Variants in CD72 observed in about 807,000 individuals in gnomAD.
CD72 encodes the protein CD72 molecule, also known as B-cell differentiation antigen CD72.
CD72 carries 28 observed loss-of-function variants against 50.7 expected under a neutral mutation model. The observed-to-expected ratio is 0.55, with a 90% CI of 0.41 to 0.76. The LOEUF is 0.76. CD72 is among the 30% of genes least tolerant of loss of function. The probability of loss-of-function intolerance (pLI) is 0.00; values close to 1 mark genes in which losing one functional copy is unlikely to be tolerated. For synonymous variants in CD72, 176 were observed against 171.2 expected (o/e 1.03, Z -0.22); for missense variants, 403 against 420.6 (o/e 0.96, Z 0.37).
chr9:35,626,808 GTA>G (rs1445802430), intron 1 of CD72, among the ~76,000 whole-genome samples: 1 of 151,836 alleles, frequency 6.6e-6, no homozygotes, highest in Non-Finnish European at 1.5e-5. Context: ...GTTTTTTAAG[GTA>G]TAATGCTACT....
chr9:35,640,841 C>A (rs1333606409), intron 1 of CD72, among the ~76,000 whole-genome samples: 1 of 152,240 alleles, frequency 6.6e-6, no homozygotes, highest in Non-Finnish European at 1.5e-5. Flanking sequence ...GGCTTGAATG[C>A]CCGGGTTTAT....
upstream of CD72, among the ~76,000 whole-genome samples, chr9:35,620,993 C>T (rs144042558): frequency 1.3e-5 from 2 of 152,284 alleles, no homozygotes; most frequent in African/African-American, 4.8e-5. Flanking sequence ...AGCTTGTAGC[C>T]TTCCTTTGTG....
chr9:35,640,680 G>A (rs1217671408), intron 1 of CD72, among the ~76,000 whole-genome samples: 1 of 152,232 alleles, frequency 6.6e-6, no homozygotes, highest in African/African-American at 2.4e-5. Context: ...GCAGGTCTGC[G>A]ACAGTGGCAA....
chr9:35,622,643 C>T (rs1276207367), upstream of CD72, among the ~76,000 whole-genome samples: 1 of 151,936 alleles, frequency 6.6e-6, no homozygotes, highest in African/African-American at 2.4e-5. Flanking sequence ...AAAAATTAGC[C>T]GGGCATGGCG....
At chr9:35,624,870 T>G (rs376279410) in intron 1 of CD72, among the ~76,000 whole-genome samples, 28 of 152,366 alleles carry the variant, frequency 1.8e-4, no homozygotes, top group African/African-American at 6.5e-4. Flanking sequence ...ATTGTCATTG[T>G]TTTGGAGCAC....
chr9:35,610,707 A>G lies in CD72; in HGVS notation c.997T>C (p.Ser333Pro). 1.2e-6 allele frequency: 2 copies of G among 1,612,816 alleles called. No homozygotes were observed. Among genetic ancestry groups the G allele is most frequent in the South Asian group, 1.1e-5 (1 of 91,054 alleles). Residue 333 changes from serine (S) to proline (P), a missense_variant, in exon 8 of 9, where the codon TCA becomes CCA. By Grantham distance (74) the Ser-to-Pro change is moderately conservative. Transcript: ENST00000259633. ...SKCNKVHKTW[S>P]WWTLESESCR... ...GACTCTGACTCCAGTGTCCACCATG[A>G]CCAAGTTTTATGTACCTTGTTACAT... is the stretch of plus-strand genomic sequence containing the variant.
Position 35,611,863 on chromosome 9 carries a change from A to G in CD72, c.891T>C (p.Tyr297=), listed in dbSNP as rs765001084. 6.2e-7 allele frequency: 1 copy of G among 1,613,280 alleles called. No homozygotes were observed. The highest frequency in any genetic ancestry group is 2.2e-5 in the East Asian group (1 of 44,874). ...CCTTGTTAGAGCTGAGGCCAGTCCA[A>G]TATGAATTCCCTGAACCACCATTTG... ...LLPNGGSGNS[Y]WTGLSSNKDW... is the part of the protein sequence containing the mutation. The change falls in exon 7 of 9, where the codon TAT becomes TAC. Residue 297 remains tyrosine (Y), a synonymous_variant. Transcript: ENST00000259633.
intron 1 of CD72, chr9:35,643,586 C>G (rs1182287092): frequency 6.6e-6 from 1 of 152,214 alleles, no homozygotes; most frequent in East Asian, 1.9e-4. Context: ...TGGCCCCCAA[C>G]TATGTGTTCC....
In CD72 at chr9:35,617,023, T is replaced by G. The variant is rs1434543661; in HGVS notation, c.262+153A>C. 4 of 1,461,430 alleles carry G rather than the reference T, an allele frequency of 2.7e-6. No individual in the cohort carries two copies. In the African/African-American group the frequency reaches 4.3e-5, roughly 16 times the overall value. The allele number at this position is 1,461,430 out of a possible 1,614,324, so 90.5% of individuals were successfully genotyped here. A position where few individuals can be genotyped will look rare whatever the true frequency, so the allele number is the denominator to read the frequency against. The stretch of plus-strand genomic sequence containing the variant: ...GCACGTCGGATTCAGGCGCACCGGA[T>G]GAAGGTGAATGTGGCACGGCAGCCC... On this transcript the variant is annotated intron_variant, in intron 3 of 8. Transcript: ENST00000259633.
rs147618571 is a variant in CD72, at chr9:35,633,322, C to A, written n.408+13081G>T. ...TAGTTATTATTTTCTGATTTGATTT[C>A]TTTTCTTATTCTTTTCATAATTTCT... On this transcript the variant is annotated intron_variant and non_coding_transcript_variant, in intron 1 of 3. Transcript: ENST00000465754. Among the ~76,000 whole-genome samples the A allele has an allele frequency of 3.6e-4, 51 of 143,270 alleles. 1 individual carries two copies. The East Asian group carries it at 9.7e-3, about 27-fold the overall frequency. The allele number at this position is 143,270 out of a possible 152,430, so 94.0% of individuals were successfully genotyped here.
In CD72 at chr9:35,638,727, G is replaced by A. The variant is rs981792061; in HGVS notation, n.408+7676C>T. Among the ~76,000 whole-genome samples the A allele has an allele frequency of 5.3e-5, 8 of 151,258 alleles. No individual in the cohort carries two copies. In the South Asian group the frequency reaches 8.5e-4, roughly 16 times the overall value. On this transcript the variant is annotated intron_variant and non_coding_transcript_variant, in intron 1 of 3. Transcript: ENST00000465754. ...AGTTTTTTCTCTAGCCCAGTCTCAC[G>A]CTGACAACCGCTGGCTTCATGAGCC...
chr9:35,628,771 G>T (rs554371097), intron 1 of CD72, among the ~76,000 whole-genome samples: 2 of 152,254 alleles, frequency 1.3e-5, no homozygotes, highest in African/African-American at 2.4e-5. Flanking sequence ...CTCACCCTGG[G>T]AGTGGGAGAG....
At chr9:35,618,487 T>C (rs1182132491), upstream of CD72, 4 of 1,423,026 alleles carry the variant, frequency 2.8e-6, no homozygotes, top group East Asian at 5.0e-5. Flanking sequence ...ACAGATGGGC[T>C]CAATGAAGCA....
chr9:35,637,143 TAAG>T (rs1411243517), intron 1 of CD72, among the ~76,000 whole-genome samples: 1 of 152,108 alleles, frequency 6.6e-6, no homozygotes, highest in Non-Finnish European at 1.5e-5. Flanking sequence ...ACGTACTTTG[TAAG>T]AAGATCTACC....
intron 3 of CD72, 138 bp from the exon 4 acceptor site, chr9:35,616,827 G>T: frequency 1.0e-6 from 1 of 992,522 alleles, no homozygotes; most frequent in South Asian, 1.4e-5. Context: ...GGGCAAGCAT[G>T]GTGGTTTCTG....
chr9:35,612,757 A>G, intron 6 of CD72, 91 bp downstream of exon 6: 1 of 1,217,268 alleles, frequency 8.2e-7, no homozygotes, highest in Non-Finnish European at 1.2e-6. Flanking sequence ...TGGCCACCCC[A>G]GCCATGTGTG....
At chr9:35,637,460 G>A (rs1312557836) in intron 1 of CD72, among the ~76,000 whole-genome samples, 2 of 152,172 alleles carry the variant, frequency 1.3e-5, no homozygotes, top group Non-Finnish European at 2.9e-5. Context: ...ACCAGCCCAA[G>A]GAACATCTCA....
At chr9:35,628,270 T>C (rs1328405427) in intron 1 of CD72, among the ~76,000 whole-genome samples, 1 of 152,178 alleles carries the variant, frequency 6.6e-6, no homozygotes, top group African/African-American at 2.4e-5. Context: ...GGCCAGCTTA[T>C]TCCTCTTCTT....
upstream of CD72, among the ~76,000 whole-genome samples, chr9:35,623,791 G>A (rs1462930182): frequency 2.0e-5 from 3 of 152,066 alleles, no homozygotes; most frequent in African/African-American, 4.8e-5. Flanking sequence ...TGGTACATGC[G>A]TAATCCCAGC....
Sources: allele counts gnomAD v4.1 joint callset (sites outside exome capture counted in the v4.1 genomes callset), GRCh38; gene constraint gnomAD v4.1.1; transcripts MANE v1.5; gene names NCBI Gene and HGNC (gene_info 2026-07-23, HGNC 2026-07-21).